HBS1L: variants seen among roughly 807,000 people sequenced by gnomAD.
HBS1L encodes the protein HBS1-like protein.
In HBS1L, 55 loss-of-function variants were observed where a neutral mutation model predicts 88.9. The observed-to-expected ratio is 0.62, with a 90% CI of 0.50 to 0.77. The LOEUF (loss-of-function observed/expected upper bound fraction) is 0.77, where lower values mean the gene tolerates loss of function less well. HBS1L is among the 30% of genes least tolerant of loss of function. The pLI, the probability that HBS1L is intolerant of heterozygous loss-of-function variation, is 0.00. For missense variants in HBS1L, 741 were observed against 829.3 expected (o/e 0.89, Z 1.31); for synonymous variants, 267 against 288.5 (o/e 0.93, Z 0.76).
chr6:135,016,707 T>C (rs575495580), intron 4 of HBS1L, among the ~76,000 whole-genome samples: 2 of 152,386 alleles, frequency 1.3e-5, no homozygotes, highest in South Asian at 4.1e-4. Context: ...AAATATATAG[T>C]GCCTTACCTC....
In HBS1L at chr6:134,969,328, T is replaced by C. The variant is rs1489792079; in HGVS notation, c.1808A>G (p.His603Arg). The C allele has an allele frequency of 1.2e-6, 2 of 1,611,060 alleles. No homozygotes were observed. The highest frequency in any genetic ancestry group is 8.5e-7 in the Non-Finnish European group (1 of 1,177,376). Residue 603 changes from histidine to arginine, a missense_variant, in exon 16 of 18, where the codon CAC (histidine) becomes CGC (arginine). By Grantham distance (29) the His-to-Arg change is conservative. Coordinates refer to ENST00000367837, the MANE Select transcript of HBS1L (RefSeq NM_006620.4). ...GGCGGGTTCACTGACAGTTTGGTAG[T>C]GTAACAGCACCTAAAACAAAAAATT... ...PITKGFPVLL[H>R]YQTVSEPAVI...
intron 4 of HBS1L, among the ~76,000 whole-genome samples, chr6:135,023,596 C>A (rs543925965): frequency 5.9e-5 from 9 of 151,912 alleles, no homozygotes; most frequent in Admixed American, 2.0e-4. Flanking sequence ...AAGAATATAA[C>A]CTCATCATAT....
intron 14 of HBS1L, 49 bp from the exon 15 acceptor site, chr6:134,978,836 C>T (rs747418007): frequency 9.0e-6 from 10 of 1,105,516 alleles, no homozygotes; most frequent in Non-Finnish European, 1.2e-5. Context: ...GACAAATTTA[C>T]ATCAAATAGA....
At chr6:135,044,758 A>T (rs745948641) in intron 2 of HBS1L, among the ~76,000 whole-genome samples, 1 of 152,172 alleles carries the variant, frequency 6.6e-6, no homozygotes, top group Non-Finnish European at 1.5e-5. Context: ...AGTAACAAAC[A>T]TCCTTCCCCC....
chr6:135,027,219 AAAG>A (rs1222018263), intron 4 of HBS1L: 3 of 138,926 alleles, frequency 2.2e-5, no homozygotes, highest in Admixed American at 6.9e-5. Context: ...AAAAAAAAGA[AAAG>A]AAAAAATAGC....
At chr6:135,033,049 A>T (rs1776433784) in intron 4 of HBS1L, among the ~76,000 whole-genome samples, 1 of 152,204 alleles carries the variant, frequency 6.6e-6, no homozygotes, top group Non-Finnish European at 1.5e-5. Flanking sequence ...AGAATGCAAA[A>T]GGACAAAACA....
intron 4 of HBS1L, among the ~76,000 whole-genome samples, chr6:135,009,388 T>C (rs866138183): frequency 1.3e-5 from 2 of 152,070 alleles, no homozygotes; most frequent in African/African-American, 4.8e-5. Flanking sequence ...CTAGAAGGCT[T>C]AACAAATGAA....
At position 134,979,780 on chromosome 6, in the gene HBS1L, G is replaced by A. The variant is rs553386977; in HGVS notation, c.1598-512C>T. ...TGTACACTCAGTCAGAATTTCAAGC[G>A]GTCCTCTCAGCAGGCCCCTTAACTA... On this transcript the variant is annotated intron_variant, in intron 13 of 17. Coordinates refer to ENST00000367837, the MANE Select transcript of HBS1L (RefSeq NM_006620.4). Among the ~76,000 whole-genome samples, 5 of 152,048 alleles carry A rather than the reference G, an allele frequency of 3.3e-5. No individual in the cohort carries two copies. The South Asian group carries it at 6.2e-4, about 19-fold the overall frequency.
rs1776565275 is a variant in HBS1L at position 135,036,783 on chromosome 6, AG to A, written c.430+2789del. 1.9e-6 allele frequency: 3 copies of A among 1,551,566 alleles called. No homozygotes were observed. The East Asian group carries it at 7.3e-5, about 38-fold the overall frequency. On this transcript the variant is annotated intron_variant, in intron 4 of 17. Transcript: ENST00000367837. ...GTGTTGAGGCAAAAGCTGAAGGTCTAGCAGCAAGGGCCTTGGTCCAAGAGAG... is the reference window on the plus strand; with the variant it reads ...GTGTTGAGGCAAAAGCTGAAGGTCTACAGCAAGGGCCTTGGTCCAAGAGAG...
At position 135,029,464 on chromosome 6, in the gene HBS1L, C is replaced by G. The variant is rs1776326736; in HGVS notation, c.430+10109G>C. Among the ~76,000 whole-genome samples, 3 of 151,502 alleles carry G rather than the reference C, an allele frequency of 2.0e-5. No individual in the cohort carries two copies. In the South Asian group the frequency reaches 6.2e-4, roughly 32 times the overall value. On this transcript the variant is annotated intron_variant, in intron 4 of 17. Coordinates refer to ENST00000367837, the MANE Select transcript of HBS1L (RefSeq NM_006620.4). ...GAAAAATGGGCAGATTAAGAATAGACAGGAAGAAAAATATAGCTTTATATA... is the reference window on the plus strand; with the variant it reads ...GAAAAATGGGCAGATTAAGAATAGAGAGGAAGAAAAATATAGCTTTATATA...
intron 5 of HBS1L, among the ~76,000 whole-genome samples, chr6:134,999,569 T>C (rs1775390959): frequency 6.6e-6 from 1 of 150,418 alleles, no homozygotes; most frequent in Non-Finnish European, 1.5e-5. Flanking sequence ...TGCCTCAGCC[T>C]ACTGAGTAGC....
chr6:135,020,184 A>T (rs2114853832), intron 4 of HBS1L, among the ~76,000 whole-genome samples: 1 of 151,620 alleles, frequency 6.6e-6, no homozygotes, highest in African/African-American at 2.4e-5. Flanking sequence ...AATCAGTGGA[A>T]GTAACTTGAG....
intron 15 of HBS1L, among the ~76,000 whole-genome samples, chr6:134,972,080 TG>T (rs1774506378): frequency 6.6e-6 from 1 of 152,216 alleles, no homozygotes; most frequent in East Asian, 1.9e-4. Context: ...GTAACTTGTA[TG>T]CATTATTTAC....
chr6:135,037,154 G>A (rs960350334), intron 4 of HBS1L: 1 of 1,551,622 alleles, frequency 6.4e-7, no homozygotes, highest in African/African-American at 1.4e-5. Flanking sequence ...AATGACGACA[G>A]AGATCCTGTT....
At chr6:135,035,108 C>T (rs185054000) in intron 4 of HBS1L, among the ~76,000 whole-genome samples, 2 of 152,294 alleles carry the variant, frequency 1.3e-5, no homozygotes, top group Admixed American at 1.3e-4. Context: ...CTGTGGGGCA[C>T]ACAACTGTCA....
In HBS1L at chr6:134,996,896, A is replaced by G. The variant is rs1775303679; in HGVS notation, c.846T>C (p.Tyr282=). 1 of 1,608,242 alleles carries G rather than the reference A, an allele frequency of 6.2e-7. No individual in the cohort carries two copies. Among genetic ancestry groups the G allele is most frequent in the Admixed American group, 1.7e-5 (1 of 58,492 alleles). The change falls in exon 7 of 18, where the codon TAT becomes TAC. Residue 282 remains tyrosine, a synonymous_variant. Coordinates refer to ENST00000367837, the MANE Select transcript of HBS1L (RefSeq NM_006620.4). ...GKSTLMGHML[Y]LLGNINKRTM... ...TTCTTTTGTTTATATTACCCAGAAG[A>G]TAAAGCATATGGCCCATCAGAGTAC...
At chr6:134,992,131 G>A (rs572878832) in intron 8 of HBS1L, among the ~76,000 whole-genome samples, 1 of 152,246 alleles carries the variant, frequency 6.6e-6, no homozygotes, top group East Asian at 1.9e-4. Flanking sequence ...TCATGTTTTT[G>A]CCATGTAACA....
intron 4 of HBS1L, among the ~76,000 whole-genome samples, chr6:135,034,408 C>T (rs1325903707): frequency 1.3e-5 from 2 of 152,180 alleles, no homozygotes; most frequent in African/African-American, 2.4e-5. Context: ...CTTCGGGAGG[C>T]CGAGGTGGGC....
At chr6:135,007,099 T>C (rs1039598263) in intron 4 of HBS1L, among the ~76,000 whole-genome samples, 3 of 152,188 alleles carry the variant, frequency 2.0e-5, no homozygotes, top group African/African-American at 7.2e-5. Context: ...GGTCATACAA[T>C]GGCATAAAAG....
Sources: allele counts gnomAD v4.1 joint callset (sites outside exome capture counted in the v4.1 genomes callset), GRCh38; gene constraint gnomAD v4.1.1; transcripts MANE v1.5; gene names NCBI Gene and HGNC (gene_info 2026-07-23, HGNC 2026-07-21).